Variants in C3orf18 observed in about 807,000 individuals in gnomAD.
The protein encoded by C3orf18 is chromosome 3 open reading frame 18.
In C3orf18, 12 loss-of-function variants were observed where a neutral mutation model predicts 14.1. The observed-to-expected ratio is 0.85, with a 90% confidence interval of 0.55 to 1.38. C3orf18 has a LOEUF of 1.38. Ranked by LOEUF, C3orf18 falls within the 40% of genes most tolerant of loss-of-function variation. C3orf18 has a pLI of 0.00. For missense variants in C3orf18, 196 were observed against 213.9 expected (o/e 0.92, Z 0.52); for synonymous variants, 82 against 87.9 (o/e 0.93, Z 0.38).
At chr3:50,569,525 T>G (rs1048557782), upstream of C3orf18, 1 of 148,222 alleles carries the variant, frequency 6.7e-6, no homozygotes, top group African/African-American at 2.4e-5. Context: ...GGCGTCCAGT[T>G]CGGGGCAGCT....
chr3:50,560,225 CAAG>C (rs1178668985), intron 5 of C3orf18, among the ~76,000 whole-genome samples: 1 of 152,190 alleles, frequency 6.6e-6, no homozygotes, highest in Non-Finnish European at 1.5e-5. Context: ...TTTCTGAGCC[CAAG>C]AAGACGCAAA....
upstream of C3orf18, among the ~76,000 whole-genome samples, chr3:50,572,447 C>A (rs1420328926): frequency 6.6e-6 from 1 of 152,230 alleles, no homozygotes; most frequent in Non-Finnish European, 1.5e-5. Context: ...TGGCAATGGC[C>A]CAGAGTGCCT....
chr3:50,571,676 G>C, upstream of C3orf18: 1 of 1,606,658 alleles, frequency 6.2e-7, no homozygotes, highest in South Asian at 1.1e-5. Context: ...CTTGGGCCCA[G>C]TGAGCCAGCC....
At chr3:50,571,942 C>T (rs111467011), upstream of C3orf18, 27 of 796,038 alleles carry the variant, frequency 3.4e-5, no homozygotes, top group Admixed American at 4.7e-5. Flanking sequence ...AGAGTGGGGC[C>T]GGGGTACTGA....
Position 50,559,585 on chromosome 3 carries a change from A to C in C3orf18, c.*72T>G, listed in dbSNP as rs927529328. On this transcript the variant is annotated 3_prime_UTR_variant, in exon 6 of 6. Coordinates refer to ENST00000357203, the MANE Select transcript of C3orf18 (RefSeq NM_016210.5). Reference sequence around the variant, plus strand: ...GAAGATCTTCAGAGTAGGTCTTGACAATCAGGGAGTGGGGAGCTCTGTAGG... The same window carrying C: ...GAAGATCTTCAGAGTAGGTCTTGACCATCAGGGAGTGGGGAGCTCTGTAGG... 1.4e-6 allele frequency: 2 copies of C among 1,466,464 alleles called. No homozygotes were observed. Among genetic ancestry groups the C allele is most frequent in the Non-Finnish European group, 1.8e-6 (2 of 1,102,104 alleles). 90.8% of individuals were successfully genotyped at this position (1,466,464 alleles called of 1,614,324 possible).
At chr3:50,567,889 G>A (rs1296430433), upstream of C3orf18, 1 of 152,340 alleles carries the variant, frequency 6.6e-6, no homozygotes, top group Non-Finnish European at 1.5e-5. Context: ...GCAGTTTTTA[G>A]AGACTACCCT....
chr3:50,567,202 T>C (rs1191441071), intron 1 of C3orf18, among the ~76,000 whole-genome samples: 1 of 152,152 alleles, frequency 6.6e-6, no homozygotes, highest in African/African-American at 2.4e-5. Flanking sequence ...GGCCAAACCC[T>C]TAACTCGTGC....
At chr3:50,559,846 C>T in intron 5 of C3orf18, 109 bp from the exon 6 acceptor site, 1 of 625,044 alleles carries the variant, frequency 1.6e-6, no homozygotes, top group Non-Finnish European at 2.6e-6. Flanking sequence ...TTGGCACTAG[C>T]AATGGCTTCT....
At chr3:50,566,168 C>T (rs1016149874) in intron 1 of C3orf18, 74 bp from the exon 2 acceptor site, 2 of 153,538 alleles carry the variant, frequency 1.3e-5, no homozygotes, top group East Asian at 1.9e-4. Flanking sequence ...CTCCCCTCAA[C>T]CTGCGTCCCC....
intron 4 of C3orf18, 91 bp downstream of exon 4, chr3:50,561,631 T>C: frequency 7.6e-7 from 1 of 1,310,178 alleles, no homozygotes; most frequent in Non-Finnish European, 1.1e-6. Flanking sequence ...GACTCCCTGA[T>C]CAGCTTTTCA....
intron 4 of C3orf18, 127 bp from the exon 5 acceptor site, chr3:50,561,191 T>C: frequency 9.6e-7 from 1 of 1,038,146 alleles, no homozygotes; most frequent in Non-Finnish European, 1.4e-6. Flanking sequence ...AAGGTTTCCC[T>C]TGAAATGGGA....
chr3:50,560,849 A>G (rs1378441581), intron 5 of C3orf18, 68 bp downstream of exon 5: 4 of 1,491,482 alleles, frequency 2.7e-6, no homozygotes, highest in East Asian at 2.3e-5. Context: ...TGCATGAGAA[A>G]GGAGGGAGGG....
upstream of C3orf18, among the ~76,000 whole-genome samples, chr3:50,573,231 C>T (rs1039547930): frequency 6.6e-6 from 1 of 152,190 alleles, no homozygotes; most frequent in African/African-American, 2.4e-5. Context: ...ATGGGGGCAG[C>T]ACGTGGACTT....
chr3:50,565,371 A>G lies in C3orf18; in HGVS notation c.234+95T>C, dbSNP rs1700228152. 1 of 984,578 alleles carries G rather than the reference A, an allele frequency of 1.0e-6. No homozygotes were observed. Among genetic ancestry groups the G allele is most frequent in the African/African-American group, 1.6e-5 (1 of 62,348 alleles). The allele number at this position is 984,578 out of a possible 1,614,324, so 61.0% of individuals were successfully genotyped here. ...GACAGAGCAAGACTCTGTCTCAAAA[A>G]CAACAATAACAACAACCAGATTGTC... is the stretch of plus-strand genomic sequence containing the variant. On this transcript the variant is annotated intron_variant, in intron 3 of 5. Coordinates refer to ENST00000357203, the MANE Select transcript of C3orf18 (RefSeq NM_016210.5). This position sits in a 1 kb window ranked among gnomAD's most constrained non-coding sequence, Gnocchi z 4.4.
upstream of C3orf18, chr3:50,570,932 G>A (rs1700886606): frequency 4.0e-6 from 2 of 504,442 alleles, no homozygotes; most frequent in Non-Finnish European, 3.5e-6. Context: ...CACTCCCAGG[G>A]TGGCAACCAA....
chr3:50,561,592 C>A (rs1032509913), intron 4 of C3orf18, 130 bp downstream of exon 4: 3 of 887,830 alleles, frequency 3.4e-6, no homozygotes, highest in Non-Finnish European at 5.4e-6. Flanking sequence ...AGTGGTCACC[C>A]CCAACCATGA....
At chr3:50,560,777 A>G (rs985824171) in intron 5 of C3orf18, 140 bp downstream of exon 5, 2 of 960,666 alleles carry the variant, frequency 2.1e-6, no homozygotes, top group Admixed American at 5.3e-5. Flanking sequence ...TTTCTGAACA[A>G]ATCTGGAAAA....
chr3:50,563,165 C>T (rs1218592415), intron 3 of C3orf18, among the ~76,000 whole-genome samples: 6 of 152,142 alleles, frequency 3.9e-5, no homozygotes, highest in Non-Finnish European at 7.4e-5. Flanking sequence ...CCCCCAAAAC[C>T]TGAAAAGAAA....
chr3:50,559,780 C>T, intron 5 of C3orf18, 43 bp from the exon 6 acceptor site: 1 of 1,364,886 alleles, frequency 7.3e-7, no homozygotes, highest in Non-Finnish European at 1.0e-6. Context: ...ATGGGCAAGG[C>T]CATGCACTCA....
Sources: allele counts gnomAD v4.1 joint callset (sites outside exome capture counted in the v4.1 genomes callset), GRCh38; gene constraint gnomAD v4.1.1; non-coding constraint Gnocchi (gnomAD v3.1); transcripts MANE v1.5; gene names NCBI Gene and HGNC (gene_info 2026-07-23, HGNC 2026-07-21).